HGD: variants seen among roughly 807,000 people sequenced by gnomAD.
HGD encodes homogentisate 1,2-dioxygenase, also known as homogentisate oxidase.
A neutral mutation model predicts 60.8 loss-of-function variants in HGD; 61 were observed. The observed-to-expected ratio is 1.00, with a 90% CI of 0.82 to 1.24. HGD has a LOEUF of 1.24. Among genes scored for constraint, HGD ranks in the 50% most tolerant of loss-of-function variants. HGD has a pLI of 0.00. For missense variants in HGD, 542 were observed against 547.1 expected, an observed-to-expected ratio of 0.99 and a Z score of 0.09; for synonymous variants, 212 against 187.7, an observed-to-expected ratio of 1.13 and a Z score of -1.06.
chr3:120,656,428 A>G (rs539838182), intron 4 of HGD, among the ~76,000 whole-genome samples: 1 of 152,226 alleles, frequency 6.6e-6, no homozygotes, highest in Non-Finnish European at 1.5e-5. Context: ...AATAAAATCA[A>G]TTGTAATGCC....
chr3:120,641,847 T>G, intron 10 of HGD, 154 bp from the exon 11 acceptor site: 1 of 677,618 alleles, frequency 1.5e-6, no homozygotes, highest in Middle Eastern at 2.5e-4. Flanking sequence ...TAACCCTGAA[T>G]CATTTTGTGG....
intron 4 of HGD, among the ~76,000 whole-genome samples, chr3:120,664,443 T>C (rs1707852513): frequency 7.4e-6 from 1 of 135,446 alleles, no homozygotes; most frequent in Non-Finnish European, 1.6e-5. Context: ...TTTTTTTTTT[T>C]CTGAGATAGG....
rs1398420804 is a variant in HGD at position 120,633,301 on chromosome 3, A to G, written c.1034T>C (p.Leu345Pro). 2 of 1,614,150 alleles carry G rather than the reference A, an allele frequency of 1.2e-6. No individual in the cohort carries two copies. The highest frequency in any genetic ancestry group is 1.7e-6 in the Non-Finnish European group (2 of 1,180,012). ...CTTTGCCTCATAGTGACCTCGGATG[A>G]GTCCCATGAACTCACTCATGCAGTT... ...HRNCMSEFMG[L>P]IRGHYEAKQG... The change falls in exon 13 of 14, where the codon CTC becomes CCC. Residue 345 changes from leucine (L) to proline (P), a missense_variant. Physicochemically the swap from Leu to Pro is moderately conservative, Grantham distance 98 (BLOSUM62 -3). Coordinates refer to ENST00000283871, the MANE Select transcript of HGD (RefSeq NM_000187.4).
chr3:120,650,876 C>A lies in HGD; in HGVS notation c.343-11G>T, dbSNP rs143223637. On this transcript the variant is annotated splice_polypyrimidine_tract_variant and intron_variant, in intron 5 of 13. Transcript: ENST00000283871. ...CAAGGTATGCAGGCCCTGGGAGAGACCCACAGAAGAGGGAAAGGTTAATGT... is the reference window on the plus strand; with the variant it reads ...CAAGGTATGCAGGCCCTGGGAGAGAACCACAGAAGAGGGAAAGGTTAATGT... 3.8e-5 allele frequency: 61 copies of A among 1,605,262 alleles called. No individual in the cohort carries two copies. The African/African-American group carries it at 4.8e-4, about 13-fold the overall frequency.
intron 4 of HGD, among the ~76,000 whole-genome samples, chr3:120,665,052 C>T (rs1013743898): frequency 2.6e-5 from 4 of 152,134 alleles, no homozygotes; most frequent in African/African-American, 9.7e-5. Flanking sequence ...AGGAGTCTGG[C>T]TGTGACTAGG....
At chr3:120,638,277 A>G (rs1416180537) in intron 12 of HGD, among the ~76,000 whole-genome samples, 178 bp downstream of exon 12, 1 of 152,172 alleles carries the variant, frequency 6.6e-6, no homozygotes, top group Non-Finnish European at 1.5e-5. Context: ...TAACACAACT[A>G]CCATCCCTTA....
chr3:120,655,434 G>A (rs892735703), intron 4 of HGD, among the ~76,000 whole-genome samples: 9 of 152,218 alleles, frequency 5.9e-5, no homozygotes, highest in Non-Finnish European at 1.2e-4. Flanking sequence ...ATAGTATAGG[G>A]AGAGGAGTCA....
intron 1 of HGD, among the ~76,000 whole-genome samples, chr3:120,680,317 TG>T (rs1402185519): frequency 6.6e-6 from 1 of 152,234 alleles, no homozygotes; most frequent in East Asian, 1.9e-4. Context: ...TAATGTTTAT[TG>T]ATTAGAATGA....
chr3:120,639,177 G>A (rs1485392959), intron 11 of HGD, among the ~76,000 whole-genome samples: 1 of 152,160 alleles, frequency 6.6e-6, no homozygotes, highest in East Asian at 1.9e-4. Flanking sequence ...CAGGTAGCGA[G>A]CATAGTATCC....
At chr3:120,644,966 G>A (rs1366701227) in intron 9 of HGD, among the ~76,000 whole-genome samples, 1 of 152,182 alleles carries the variant, frequency 6.6e-6, no homozygotes, top group Non-Finnish European at 1.5e-5. Context: ...TCAGGAAGAA[G>A]TATTTAGGAC....
chr3:120,643,764 C>T (rs1257705867), intron 10 of HGD, among the ~76,000 whole-genome samples: 3 of 151,806 alleles, frequency 2.0e-5, no homozygotes, highest in Non-Finnish European at 4.4e-5. Flanking sequence ...TTATAGAGTC[C>T]ATATTACATT....
At chr3:120,641,892 T>A in intron 10 of HGD, 199 bp from the exon 11 acceptor site, 1 of 589,968 alleles carries the variant, frequency 1.7e-6, no homozygotes, top group Non-Finnish European at 3.1e-6. Context: ...CCACTAACCC[T>A]ATTTTTCTGG....
chr3:120,674,661 A>G (rs924235437), intron 3 of HGD: 8 of 457,872 alleles, frequency 1.7e-5, no homozygotes, highest in African/African-American at 4.0e-5. Flanking sequence ...TAATTTGTAA[A>G]TGGAACTGGA....
At chr3:120,663,579 GA>G (rs2107537433) in intron 4 of HGD, among the ~76,000 whole-genome samples, 1 of 152,214 alleles carries the variant, frequency 6.6e-6, no homozygotes, top group Non-Finnish European at 1.5e-5. Context: ...TCTAGTTCAG[GA>G]CCTTGAAGAA....
chr3:120,641,524 C>G (rs1940979003), intron 11 of HGD, 65 bp downstream of exon 11: 1 of 932,264 alleles, frequency 1.1e-6, no homozygotes, highest in Admixed American at 1.7e-5. Flanking sequence ...TGTCAGGGGT[C>G]TACTGTGGAC....
At chr3:120,651,178 GA>G (rs1283247762) in intron 5 of HGD, among the ~76,000 whole-genome samples, 5 of 152,218 alleles carry the variant, frequency 3.3e-5, no homozygotes, top group Non-Finnish European at 7.3e-5. Context: ...TCAACTGGAA[GA>G]AGAGATTCTG....
chr3:120,634,892 T>C (rs909170806), intron 12 of HGD, among the ~76,000 whole-genome samples: 4 of 152,144 alleles, frequency 2.6e-5, no homozygotes, highest in Non-Finnish European at 5.9e-5. Context: ...CAGATCATAG[T>C]TCTACTTGTT....
intron 4 of HGD, among the ~76,000 whole-genome samples, chr3:120,653,678 G>C (rs1941409627): frequency 6.6e-6 from 1 of 152,180 alleles, no homozygotes. Flanking sequence ...GTAAAATGTT[G>C]ATTTGGGAAA....
chr3:120,670,031 T>C (rs753636247), intron 4 of HGD, among the ~76,000 whole-genome samples: 2 of 152,166 alleles, frequency 1.3e-5, no homozygotes, highest in Non-Finnish European at 2.9e-5. Flanking sequence ...ACCCTCATGA[T>C]AGTGAGTTCT....
Sources: allele counts gnomAD v4.1 joint callset (sites outside exome capture counted in the v4.1 genomes callset), GRCh38; gene constraint gnomAD v4.1.1; transcripts MANE v1.5; gene names NCBI Gene and HGNC (gene_info 2026-07-23, HGNC 2026-07-21).